The following ZNF383 variants were observed in gnomAD, a reference collection of about 807,000 sequenced individuals.
ZNF383 encodes the protein zinc finger protein 383.
Under a neutral mutation model 44.2 loss-of-function variants are expected in ZNF383, and 32 were observed. That is an observed-to-expected ratio of 0.72 (90% confidence interval 0.55 to 0.97). ZNF383 has a LOEUF of 0.97. Ranked by LOEUF, ZNF383 falls within the 50% of genes least tolerant of loss-of-function variation. The pLI, the probability that ZNF383 is intolerant of heterozygous loss-of-function variation, is 0.00. For missense variants in ZNF383, 487 were observed against 562.5 expected (o/e 0.87, Z 1.36); for synonymous variants, 155 against 186.2 (o/e 0.83, Z 1.36).
chr19:37,234,132 G>A lies in ZNF383; in HGVS notation c.10-1417G>A, dbSNP rs186473780. ...ACCCACCTCGGCCTCCCAAAGTGCTGGGATTAGAGGCATCAGCCACCACGC... is the reference window on the plus strand; with the variant it reads ...ACCCACCTCGGCCTCCCAAAGTGCTAGGATTAGAGGCATCAGCCACCACGC... On this transcript the variant is annotated intron_variant, in intron 3 of 5. Transcript: ENST00000684119. Among the ~76,000 whole-genome samples the A allele has an allele frequency of 4.1e-3, 621 of 152,248 alleles. 3 individuals are homozygous for A. The highest frequency in any genetic ancestry group is 0.014 in the African/African-American group (574 of 41,550).
chr19:37,237,304 C>G (rs1231777010), intron 5 of ZNF383, among the ~76,000 whole-genome samples: 1 of 151,810 alleles, frequency 6.6e-6, no homozygotes, highest in African/African-American at 2.4e-5. Context: ...GGAATTAATC[C>G]CTATTGAAGT....
At chr19:37,237,272 C>T (rs1417125982) in intron 5 of ZNF383, among the ~76,000 whole-genome samples, 1 of 151,996 alleles carries the variant, frequency 6.6e-6, no homozygotes, top group Non-Finnish European at 1.5e-5. Context: ...AGCAGAAAGT[C>T]AAAGGCTAAC....
rs1314911837 is a variant in ZNF383 at position 37,242,573 on chromosome 19, G to A, written c.337G>A (p.Glu113Lys). The change falls in exon 6 of 6, where the codon GAG (glutamate) becomes AAG (lysine). Residue 113 changes from glutamate to lysine, a missense_variant. Transcript: ENST00000684119. The stretch of plus-strand genomic sequence containing the variant: ...AATGGGACTTACAAAGCATGGCCTT[G>A]AGTACTCCAGTTTTGGAGATGTTTT... ...EIMGLTKHGLEYSSFGDVLEY... is the reference protein window; with the variant it reads ...EIMGLTKHGLKYSSFGDVLEY... 1 of 1,614,008 alleles carries A rather than the reference G, an allele frequency of 6.2e-7. No individual in the cohort carries two copies. Among genetic ancestry groups the A allele is most frequent in the Non-Finnish European group, 8.5e-7 (1 of 1,179,918 alleles).
intron 5 of ZNF383, among the ~76,000 whole-genome samples, chr19:37,241,537 TTTTTATTGAGG>T: frequency 6.6e-6 from 1 of 152,288 alleles, no homozygotes; most frequent in East Asian, 1.9e-4. Context: ...CTGCCCAGCA[TTTTTATTGAGG>T]TTTTATTACA....
rs1974449528 is a variant in ZNF383, at chr19:37,248,685, A to G, written c.*5021A>G. Reference sequence around the variant, plus strand: ...ATCTTCTAGATGAACCCTTTTTTCTAGCAGTATTTGACAGGATGGGATATA... The same window carrying G: ...ATCTTCTAGATGAACCCTTTTTTCTGGCAGTATTTGACAGGATGGGATATA... On this transcript the variant is annotated 3_prime_UTR_variant, in exon 6 of 6. Transcript: ENST00000684119. 1 of 152,126 alleles carries G rather than the reference A, an allele frequency of 6.6e-6. No homozygotes were observed. The highest frequency in any genetic ancestry group is 2.1e-4 in the South Asian group (1 of 4,834). The allele number at this position is 152,126 out of a possible 1,614,324, so 9.4% of individuals were successfully genotyped here.
intron 5 of ZNF383, 128 bp downstream of exon 5, chr19:37,236,202 T>G: frequency 1.7e-6 from 1 of 603,080 alleles, no homozygotes; most frequent in Non-Finnish European, 2.8e-6. Context: ...GTGGAGAAAA[T>G]GAAGTCCTTT....
At chr19:37,239,443 A>C (rs752777465) in intron 5 of ZNF383, among the ~76,000 whole-genome samples, 2 of 152,206 alleles carry the variant, frequency 1.3e-5, no homozygotes, top group African/African-American at 2.4e-5. Flanking sequence ...TAGGCTTGCC[A>C]CTAGGTCTTG....
At chr19:37,221,965 A>AG (rs1019513536) in intron 1 of ZNF383, among the ~76,000 whole-genome samples, 9 of 151,182 alleles carry the variant, frequency 6.0e-5, no homozygotes, top group Non-Finnish European at 1.3e-4. Flanking sequence ...CAAAAAAAAA[A>AG]AAAAAAAAGA....
chr19:37,228,270 G>A (rs1226083888), intron 2 of ZNF383, among the ~76,000 whole-genome samples: 2 of 152,016 alleles, frequency 1.3e-5, no homozygotes, highest in Non-Finnish European at 2.9e-5. Flanking sequence ...TTGTTTTTTG[G>A]TCACTTTTTA....
At chr19:37,230,378 C>A in intron 2 of ZNF383, 31 bp from the exon 3 acceptor site, 3 of 1,514,416 alleles carry the variant, frequency 2.0e-6, no homozygotes, top group South Asian at 2.3e-5. Flanking sequence ...CTTCCCCAGT[C>A]ATGCAACCTC....
At chr19:37,223,611 CAAA>C (rs1173401070) in intron 1 of ZNF383, among the ~76,000 whole-genome samples, 8 of 151,908 alleles carry the variant, frequency 5.3e-5, no homozygotes, top group African/African-American at 1.9e-4. Flanking sequence ...ACTGGTGACT[CAAA>C]GAATAAATTG....
chr19:37,220,291 C>T (rs1455046460), intron 1 of ZNF383, among the ~76,000 whole-genome samples: 2 of 151,994 alleles, frequency 1.3e-5, no homozygotes, highest in Admixed American at 6.6e-5. Context: ...TGCAGAGGCG[C>T]GTTCTCAGCG....
intron 3 of ZNF383, 103 bp downstream of exon 3, chr19:37,230,565 TC>T: frequency 7.7e-7 from 1 of 1,300,732 alleles, no homozygotes; most frequent in South Asian, 1.2e-5. Flanking sequence ...CTAACAGAGT[TC>T]CCCTTCAGAA....
At chr19:37,233,674 C>T (rs113293314) in intron 3 of ZNF383, among the ~76,000 whole-genome samples, 2,361 of 151,720 alleles carry the variant, frequency 0.016, 50 homozygotes, top group East Asian at 0.053. Flanking sequence ...GTGATCCGCC[C>T]GCCTCAGCCT....
At chr19:37,221,574 C>A (rs149003230) in intron 1 of ZNF383, among the ~76,000 whole-genome samples, 33 of 152,032 alleles carry the variant, frequency 2.2e-4, no homozygotes, top group Non-Finnish European at 3.7e-4. Context: ...AGGGCAAGAC[C>A]CTGTCTCAAA....
intron 2 of ZNF383, among the ~76,000 whole-genome samples, chr19:37,229,554 G>T (rs1973354724): frequency 6.8e-6 from 1 of 146,730 alleles, no homozygotes; most frequent in African/African-American, 2.5e-5. Context: ...TGCCTCCCAG[G>T]TTCAAGGGAT....
At chr19:37,241,906 G>A (rs1428890227) in intron 5 of ZNF383, among the ~76,000 whole-genome samples, 1 of 148,616 alleles carries the variant, frequency 6.7e-6, no homozygotes, top group Non-Finnish European at 1.5e-5. Context: ...TATCTCTTAT[G>A]TACACACGCA....
At chr19:37,230,292 C>T in intron 2 of ZNF383, 117 bp from the exon 3 acceptor site, 1 of 634,720 alleles carries the variant, frequency 1.6e-6, no homozygotes, top group Non-Finnish European at 2.8e-6. Flanking sequence ...TTCCTACTAA[C>T]TGGAGTTGTA....
At chr19:37,230,988 A>G (rs893941883) in intron 3 of ZNF383, among the ~76,000 whole-genome samples, 2 of 152,188 alleles carry the variant, frequency 1.3e-5, no homozygotes, top group African/African-American at 4.8e-5. Context: ...GCAACTCTGT[A>G]AGAACATCCT....
Sources: gnomAD v4.1 joint callset for allele counts (sites outside exome capture counted in the v4.1 genomes callset) on GRCh38, gnomAD v4.1.1 for gene constraint, MANE v1.5 for transcripts, NCBI Gene and HGNC (gene_info 2026-07-23, HGNC 2026-07-21) for gene names.